MBP: variants seen among roughly 807,000 people sequenced by gnomAD.
The protein encoded by MBP is Golli-MBP.
A neutral mutation model predicts 35.8 loss-of-function variants in MBP; 16 were observed. That is an observed-to-expected ratio of 0.45 (90% CI 0.30 to 0.68). The LOEUF is 0.68. MBP is among the 30% of genes least tolerant of loss of function. The pLI is 0.08. For synonymous variants in MBP, 143 were observed against 159.6 expected (o/e 0.90, Z 0.78); for missense variants, 380 against 404.7 (o/e 0.94, Z 0.52).
At chr18:77,070,952 T>C (rs1364794447) in intron 2 of MBP, among the ~76,000 whole-genome samples, 1 of 152,160 alleles carries the variant, frequency 6.6e-6, no homozygotes, top group Admixed American at 6.5e-5. Flanking sequence ...GTGAGAGATC[T>C]CCTACCTGGT....
Position 76,984,823 on chromosome 18 carries a change from T to C in MBP, c.822A>G (p.Gly274=), listed in dbSNP as rs773902573. The C allele has an allele frequency of 1.2e-5, 20 of 1,614,082 alleles. No individual in the cohort carries two copies. The South Asian group carries it at 2.1e-4, about 17-fold the overall frequency. ...TGCCCTGGGCATCGACTCCCTTGAATCCCTTGTGAGCCGATTTATAGTCGG... is the reference window on the plus strand; with the variant it reads ...TGCCCTGGGCATCGACTCCCTTGAACCCCTTGTGAGCCGATTTATAGTCGG... ...RASDYKSAHK[G]FKGVDAQGTL... is the part of the protein sequence containing the mutation. The change falls in exon 8 of 9, where the codon GGA becomes GGG. Residue 274 remains glycine (G), a synonymous_variant. Coordinates refer to ENST00000355994, the MANE Select transcript of MBP (RefSeq NM_001025101.2).
chr18:77,131,095 A>T lies in MBP; in HGVS notation c.-26+1485T>A, dbSNP rs932864097. On this transcript the variant is annotated intron_variant, in intron 1 of 8. Coordinates refer to ENST00000355994, the MANE Select transcript of MBP (RefSeq NM_001025101.2). This position sits in a 1 kb window ranked among gnomAD's most constrained non-coding sequence, Gnocchi z 5.5. ...CGCGCGCACGCACGCGCACACACAC[A>T]CACACACACACACACACACACACAC... Among the ~76,000 whole-genome samples, 3 of 58,938 alleles carry T rather than the reference A, an allele frequency of 5.1e-5. No homozygotes were observed. The highest frequency in any genetic ancestry group is 1.0e-4 in the African/African-American group (3 of 29,066). The allele number at this position is 58,938 out of a possible 152,430, so 38.7% of individuals were successfully genotyped here. A position where few individuals can be genotyped will look rare whatever the true frequency, so the allele number is the denominator to read the frequency against.
chr18:77,036,082 G>C (rs1269742), intron 3 of MBP, among the ~76,000 whole-genome samples: 6 of 152,044 alleles, frequency 3.9e-5, no homozygotes, highest in African/African-American at 9.7e-5. Context: ...GCAAGTGCTG[G>C]TCACGTTTTG....
At position 76,988,108 on chromosome 18, in the gene MBP, C is replaced by T. The variant is rs1243174773; in HGVS notation, c.750+387G>A. The stretch of plus-strand genomic sequence containing the variant: ...TCTGGGGTCACTGAGACGGGCCAGC[C>T]AGTCCCACTTCCACATGCGGGTTCC... On this transcript the variant is annotated intron_variant, in intron 7 of 8. Transcript: ENST00000355994. This position sits in a 1 kb window ranked among gnomAD's most constrained non-coding sequence, Gnocchi z 5.2. 4 of 1,512,212 alleles carry T rather than the reference C, an allele frequency of 2.6e-6. No individual in the cohort carries two copies. The highest frequency in any genetic ancestry group is 3.5e-6 in the Non-Finnish European group (4 of 1,132,012). The allele number at this position is 1,512,212 out of a possible 1,614,324, so 93.7% of individuals were successfully genotyped here.
Position 77,016,861 on chromosome 18 carries a change from T to C in MBP, c.547A>G (p.Arg183Gly), listed in dbSNP as rs145272567. 143 of 1,614,096 alleles carry C rather than the reference T, an allele frequency of 8.9e-5. No homozygotes were observed. Among genetic ancestry groups the C allele is most frequent in the Non-Finnish European group, 9.2e-5 (109 of 1,180,038 alleles). Residue 183 changes from arginine (R) to glycine (G), a missense_variant, in exon 4 of 9, where the codon AGG (arginine) becomes GGG (glycine). By Grantham distance (125) the Arg-to-Gly change is moderately radical. Transcript: ENST00000355994. ...DSIGRFFGGD[R>G]GAPKRGSGKD... The stretch of plus-strand genomic sequence containing the variant: ...CCAGAGCCCCGCTTGGGCGCACCCC[T>C]GTCACCGCCAAAGAAGCGCCCGATG...
chr18:77,027,902 T>G (rs1349151709), intron 3 of MBP, among the ~76,000 whole-genome samples: 2 of 152,168 alleles, frequency 1.3e-5, no homozygotes, highest in Non-Finnish European at 2.9e-5. Context: ...TTGCTCAGGG[T>G]TGTCTCAAAC....
At chr18:77,074,931 T>C (rs1974593897) in intron 2 of MBP, among the ~76,000 whole-genome samples, 1 of 152,220 alleles carries the variant, frequency 6.6e-6, no homozygotes, top group Non-Finnish European at 1.5e-5. Flanking sequence ...TTACCTGTAA[T>C]CAGTTTACTA....
chr18:77,019,246 CA>C (rs1430406255), intron 3 of MBP, among the ~76,000 whole-genome samples: 2 of 152,182 alleles, frequency 1.3e-5, no homozygotes, highest in Non-Finnish European at 2.9e-5. Context: ...ATGATATGTC[CA>C]TGTCCTAACT....
chr18:77,026,134 G>C (rs1972212592), intron 3 of MBP, among the ~76,000 whole-genome samples: 1 of 152,256 alleles, frequency 6.6e-6, no homozygotes, highest in African/African-American at 2.4e-5. Context: ...CTTCTGGTCA[G>C]GGGGCCCTGC....
chr18:77,067,861 CCACCCTGAAGT>C lies in MBP; in HGVS notation c.52-1487_52-1477del, dbSNP rs776683827. ...AGAGGGGCAGGCACAGCCATTAAGA[CCACCCTGAAGT>C]CTGATTCAGACCTAGTGTGACTCAC... On this transcript the variant is annotated intron_variant, in intron 2 of 8. Transcript: ENST00000355994. The C allele has an allele frequency of 1.4e-5, 7 of 511,218 alleles. No individual in the cohort carries two copies. In the Admixed American group the frequency reaches 1.4e-4, roughly 10 times the overall value. The allele number at this position is 511,218 out of a possible 1,614,324, so 31.7% of individuals were successfully genotyped here.
At chr18:77,048,900 C>A (rs919411250) in intron 3 of MBP, among the ~76,000 whole-genome samples, 1 of 151,864 alleles carries the variant, frequency 6.6e-6, no homozygotes, top group Non-Finnish European at 1.5e-5. Context: ...ATAATCTCTA[C>A]GAGGGCAGGG....
intron 4 of MBP, among the ~76,000 whole-genome samples, chr18:76,994,657 A>G (rs1387628785): frequency 1.3e-5 from 2 of 152,258 alleles, no homozygotes; most frequent in African/African-American, 4.8e-5. Context: ...TTTAAGGTAC[A>G]CATGATGTTG....
At position 77,020,709 on chromosome 18, in the gene MBP, G is replaced by GCGCT. The variant is rs1481573386; in HGVS notation, c.140-3445_140-3442dup. 6.6e-6 allele frequency among the ~76,000 whole-genome samples: 1 copy of GCGCT among 152,214 alleles called. No homozygotes were observed. Among genetic ancestry groups the GCGCT allele is most frequent in the Admixed American group, 6.5e-5 (1 of 15,282 alleles). ...CAAGATTCCAGCCTTCAGAGGAAAG[G>GCGCT]CGCTGTTCTGCACAGACCATGTGGT... On this transcript the variant is annotated intron_variant, in intron 3 of 8. Coordinates refer to ENST00000355994, the MANE Select transcript of MBP (RefSeq NM_001025101.2). This position sits in a 1 kb window ranked among gnomAD's most constrained non-coding sequence, Gnocchi z 4.1.
At chr18:76,992,076 C>T (rs1325589616) in intron 4 of MBP, among the ~76,000 whole-genome samples, 1 of 152,218 alleles carries the variant, frequency 6.6e-6, no homozygotes. Context: ...ACACGGCACA[C>T]ATCAGGTCTG....
At position 77,091,607 on chromosome 18, in the gene MBP, A is replaced by ACC. The variant is rs1419985682; in HGVS notation, c.51+13603_51+13604insGG. ...AGAAACCACACACACACACACACAC[A>ACC]CACCCACCCACCCACACCCCTATAC... On this transcript the variant is annotated intron_variant, in intron 2 of 8. Coordinates refer to ENST00000355994, the MANE Select transcript of MBP (RefSeq NM_001025101.2). Among the ~76,000 whole-genome samples, 4 of 150,372 alleles carry ACC rather than the reference A, an allele frequency of 2.7e-5. No individual in the cohort carries two copies. The East Asian group carries it at 5.9e-4, about 22-fold the overall frequency.
chr18:76,990,046 C>T lies in MBP; in HGVS notation c.591G>A (p.Pro197=), dbSNP rs371962636. 5.0e-6 allele frequency: 8 copies of T among 1,611,982 alleles called. No homozygotes were observed. The African/African-American group carries it at 9.4e-5, about 19-fold the overall frequency. ...GGGAGCCGTAGTGAGCAGTTCTTGCCGGGTGGTGTGAGTCCTGAAACACAG... is the reference window on the plus strand; with the variant it reads ...GGGAGCCGTAGTGAGCAGTTCTTGCTGGGTGGTGTGAGTCCTGAAACACAG... ...KRGSGKDSHH[P]ARTAHYGSLP... The change falls in exon 5 of 9, where the codon CCG becomes CCA. Residue 197 remains proline (P), a synonymous_variant. Coordinates refer to ENST00000355994, the MANE Select transcript of MBP (RefSeq NM_001025101.2).
intron 3 of MBP, among the ~76,000 whole-genome samples, chr18:77,038,877 GCAGAACAA>G (rs1972876406): frequency 6.6e-6 from 1 of 152,142 alleles, no homozygotes; most frequent in African/African-American, 2.4e-5. Flanking sequence ...TCTGTACTGG[GCAGAACAA>G]CACGATATCA....
At chr18:77,133,226 C>A (rs1480251966), upstream of MBP, among the ~76,000 whole-genome samples, 2 of 152,198 alleles carry the variant, frequency 1.3e-5, no homozygotes, top group Non-Finnish European at 2.9e-5. Flanking sequence ...GTCAGCCCGG[C>A]CTGGAGGCGA....
intron 2 of MBP, among the ~76,000 whole-genome samples, chr18:77,075,661 C>A (rs563603041): frequency 7.2e-5 from 11 of 152,266 alleles, no homozygotes; most frequent in African/African-American, 2.6e-4. Context: ...TATTGAAGAC[C>A]CGCGTGAACT....
Sources: allele counts gnomAD v4.1 joint callset (sites outside exome capture counted in the v4.1 genomes callset), GRCh38; gene constraint gnomAD v4.1.1; non-coding constraint Gnocchi (gnomAD v3.1); transcripts MANE v1.5; gene names NCBI Gene and HGNC (gene_info 2026-07-23, HGNC 2026-07-21).